The following DAB1 variants were observed in gnomAD, a reference collection of about 807,000 sequenced individuals.
DAB1 encodes disabled homolog 1.
DAB1 carries 15 observed loss-of-function variants against 64.6 expected under a neutral mutation model. That is an observed-to-expected ratio of 0.23 (90% CI 0.16 to 0.36). The LOEUF (loss-of-function observed/expected upper bound fraction) is 0.36, where lower values mean the gene tolerates loss of function less well. Ranked by LOEUF, DAB1 falls within the 10% of genes least tolerant of loss-of-function variation. DAB1 has a pLI of 1.00. For missense variants in DAB1, 596 were observed against 706.7 expected, an observed-to-expected ratio of 0.84 and a Z score of 1.78; for synonymous variants, 235 against 251.9, an observed-to-expected ratio of 0.93 and a Z score of 0.64.
At chr1:58,439,060 C>G (rs1456637115) in intron 3 of DAB1, among the ~76,000 whole-genome samples, 4 of 152,062 alleles carry the variant, frequency 2.6e-5, no homozygotes, top group Non-Finnish European at 4.4e-5. Flanking sequence ...AGGTCTATAT[C>G]CCAAGCAGCA....
chr1:58,437,645 C>A (rs1280520314), intron 3 of DAB1, among the ~76,000 whole-genome samples: 1 of 152,242 alleles, frequency 6.6e-6, no homozygotes, highest in African/African-American at 2.4e-5. Context: ...TTAGATTTTA[C>A]TTTCATATCC....
At chr1:57,718,548 T>A (rs1191553872) in intron 6 of DAB1, among the ~76,000 whole-genome samples, 1 of 152,216 alleles carries the variant, frequency 6.6e-6, no homozygotes, top group African/African-American at 2.4e-5. Context: ...GTCATGGGAA[T>A]GTTTCTTTCT....
At chr1:58,191,349 C>T (rs919326163) in intron 4 of DAB1, among the ~76,000 whole-genome samples, 2 of 152,090 alleles carry the variant, frequency 1.3e-5, no homozygotes, top group Non-Finnish European at 2.9e-5. Context: ...CCCAAAGGTA[C>T]ATCTCTAGTT....
chr1:57,430,641 T>C (rs1368113414), intron 7 of DAB1, among the ~76,000 whole-genome samples: 1 of 152,048 alleles, frequency 6.6e-6, no homozygotes, highest in East Asian at 1.9e-4. Context: ...CCTCCCAAAG[T>C]GCTGGGTACA....
intron 7 of DAB1, among the ~76,000 whole-genome samples, chr1:57,536,227 C>G (rs891310912): frequency 6.6e-6 from 1 of 152,202 alleles, no homozygotes; most frequent in Non-Finnish European, 1.5e-5. Context: ...TGGCTTGGAA[C>G]AGTTGGTCTC....
rs1315225869 is a variant in DAB1 at position 58,027,368 on chromosome 1, T to A, written n.387+123143A>T. Among the ~76,000 whole-genome samples the A allele has an allele frequency of 2.6e-5, 4 of 152,182 alleles. No individual in the cohort carries two copies. The East Asian group carries it at 7.7e-4, about 29-fold the overall frequency. On this transcript the variant is annotated intron_variant and non_coding_transcript_variant, in intron 5 of 20. Transcript: ENST00000485760. ...AGGCATGAGCATGCCCAGCCTTGAT[T>A]GGATTTTTTAAAATCTGAGGTTAAG...
chr1:57,333,600 A>C, intron 1 of DAB1, among the ~76,000 whole-genome samples: 1 of 152,354 alleles, frequency 6.6e-6, no homozygotes, highest in African/African-American at 2.4e-5. Context: ...AATGAGTGGA[A>C]TTAAATTCTC....
intron 2 of DAB1, among the ~76,000 whole-genome samples, chr1:57,254,055 T>A (rs555749248): frequency 3.8e-4 from 58 of 152,332 alleles, no homozygotes; most frequent in African/African-American, 1.3e-3. Flanking sequence ...TTCCCCTTCT[T>A]TTGAGTGCCC....
intron 3 of DAB1, among the ~76,000 whole-genome samples, chr1:58,388,038 T>A (rs1045966539): frequency 1.8e-4 from 27 of 152,196 alleles, no homozygotes; most frequent in African/African-American, 6.0e-4. Flanking sequence ...GGAGGGCATC[T>A]TAAGACAATT....
chr1:58,040,912 G>A (rs534942416), intron 5 of DAB1, among the ~76,000 whole-genome samples: 1 of 152,028 alleles, frequency 6.6e-6, no homozygotes, highest in Non-Finnish European at 1.5e-5. Flanking sequence ...ACCTCCTAAA[G>A]GTTGCACCTG....
At chr1:57,331,849 A>G (rs925028550) in intron 1 of DAB1, among the ~76,000 whole-genome samples, 8 of 152,220 alleles carry the variant, frequency 5.3e-5, no homozygotes, top group African/African-American at 1.9e-4. Flanking sequence ...AAGAACAAAC[A>G]CTACACATTA....
chr1:57,253,620 A>G (rs1669531785), intron 2 of DAB1, among the ~76,000 whole-genome samples: 1 of 152,166 alleles, frequency 6.6e-6, no homozygotes, highest in South Asian at 2.1e-4. Flanking sequence ...AAAATAAAAC[A>G]ACTAAAACAC....
At chr1:57,714,802 A>G (rs1039307363) in intron 6 of DAB1, among the ~76,000 whole-genome samples, 6 of 152,200 alleles carry the variant, frequency 3.9e-5, no homozygotes, top group East Asian at 1.9e-4. Flanking sequence ...GACAGATTAA[A>G]TGTGCCTTTT....
chr1:58,400,275 G>C (rs930513600), intron 3 of DAB1, among the ~76,000 whole-genome samples: 1 of 151,728 alleles, frequency 6.6e-6, no homozygotes, highest in African/African-American at 2.4e-5. Context: ...TCTCCTCTGT[G>C]AAGAGGAGAC....
chr1:57,966,367 C>T (rs1269276422), intron 5 of DAB1, among the ~76,000 whole-genome samples: 2 of 152,044 alleles, frequency 1.3e-5, no homozygotes, highest in African/African-American at 2.4e-5. Flanking sequence ...AGGAATGTTG[C>T]CCCCTCATCA....
At chr1:57,121,630 G>T (rs1656674556) in intron 4 of DAB1, among the ~76,000 whole-genome samples, 1 of 152,160 alleles carries the variant, frequency 6.6e-6, no homozygotes, top group African/African-American at 2.4e-5. Flanking sequence ...TGAAGTCTTT[G>T]CCTATGCCTA....
intron 3 of DAB1, among the ~76,000 whole-genome samples, chr1:58,349,211 T>C (rs1171941154): frequency 2.0e-5 from 3 of 152,202 alleles, no homozygotes; most frequent in Admixed American, 6.5e-5. Context: ...GAGCCCCTGC[T>C]CTTCTCTTAG....
At chr1:57,695,226 TAAGAAAGAAAGG>T (rs1646809377) in intron 6 of DAB1, among the ~76,000 whole-genome samples, 4 of 141,784 alleles carry the variant, frequency 2.8e-5, no homozygotes, top group Admixed American at 7.4e-5. Context: ...CCTGTTTCTC[TAAGAAAGAAAGG>T]AAGAAAGAAA....
intron 9 of DAB1, among the ~76,000 whole-genome samples, chr1:57,051,676 T>C (rs1179764037): frequency 6.6e-6 from 1 of 152,184 alleles, no homozygotes; most frequent in Admixed American, 6.5e-5. Flanking sequence ...AGATTTGTTA[T>C]CTGGGGTTCC....
Sources: gnomAD v4.1 joint callset for allele counts (sites outside exome capture counted in the v4.1 genomes callset) on GRCh38, gnomAD v4.1.1 for gene constraint, MANE v1.5 for transcripts, NCBI Gene and HGNC (gene_info 2026-07-23, HGNC 2026-07-21) for gene names.